Variants in CDH13 observed in about 807,000 individuals in gnomAD.
CDH13 encodes the protein cadherin 13, also known as cadherin-13.
Under a neutral mutation model 63.8 loss-of-function variants are expected in CDH13, and 24 were observed. That is an observed-to-expected ratio of 0.38 (90% CI 0.27 to 0.53). CDH13 has a LOEUF of 0.53. Ranked by LOEUF, CDH13 falls within the 20% of genes least tolerant of loss-of-function variation. The pLI is 0.85. For missense variants in CDH13, 1,049 were observed against 903.1 expected (o/e 1.16, Z -2.07); for synonymous variants, 503 against 355.3 (o/e 1.42, Z -4.67).
At chr16:83,731,361 CT>C (rs1363032976) in intron 10 of CDH13, among the ~76,000 whole-genome samples, 1 of 152,196 alleles carries the variant, frequency 6.6e-6, no homozygotes, top group Non-Finnish European at 1.5e-5. Flanking sequence ...GCTATTCTGA[CT>C]GGTGTGAGAT....
At chr16:82,760,994 C>T (rs2034817348) in intron 1 of CDH13, among the ~76,000 whole-genome samples, 1 of 123,066 alleles carries the variant, frequency 8.1e-6, no homozygotes, top group Admixed American at 9.2e-5. Flanking sequence ...ACCTCCAACT[C>T]TGGGGTTCAC....
chr16:83,492,041 T>C (rs536957067), intron 7 of CDH13, among the ~76,000 whole-genome samples: 2 of 152,292 alleles, frequency 1.3e-5, no homozygotes, highest in East Asian at 1.9e-4. Flanking sequence ...TCCTATGCCA[T>C]CTAGCCAACG....
At chr16:83,211,708 C>A (rs1354206982) in intron 4 of CDH13, among the ~76,000 whole-genome samples, 1 of 152,102 alleles carries the variant, frequency 6.6e-6, no homozygotes, top group African/African-American at 2.4e-5. Context: ...GTACTCCCTG[C>A]CCCTGCCCGG....
chr16:83,667,868 G>T lies in CDH13; in HGVS notation c.1102-2922G>T, dbSNP rs551904425. 1.4e-4 allele frequency among the ~76,000 whole-genome samples: 21 copies of T among 152,144 alleles called. 1 individual carries two copies. The highest frequency in any genetic ancestry group is 4.8e-4 in the African/African-American group (20 of 41,506). On this transcript the variant is annotated intron_variant, in intron 8 of 13. Coordinates refer to ENST00000567109, the MANE Select transcript of CDH13 (RefSeq NM_001257.5). ...AGAGAGATGGGAATCTCACTATGTT[G>T]CCCAGGCTCATCTTGAATTCCTGGG...
intron 1 of CDH13, among the ~76,000 whole-genome samples, chr16:82,635,541 G>A (rs935518723): frequency 6.6e-6 from 1 of 152,208 alleles, no homozygotes; most frequent in Non-Finnish European, 1.5e-5. Context: ...GGCAGCCATT[G>A]AGGGTACTGA....
At chr16:83,366,170 C>A (rs543644140) in intron 6 of CDH13, among the ~76,000 whole-genome samples, 4 of 152,134 alleles carry the variant, frequency 2.6e-5, no homozygotes, top group Non-Finnish European at 5.9e-5. Flanking sequence ...AAAAAGCACA[C>A]ACATTCATAA....
chr16:83,262,273 A>G (rs1219220501), intron 5 of CDH13, among the ~76,000 whole-genome samples: 3 of 152,194 alleles, frequency 2.0e-5, no homozygotes, highest in Non-Finnish European at 4.4e-5. Context: ...ATGGGCCTCC[A>G]TGTCTCTGAT....
intron 2 of CDH13, among the ~76,000 whole-genome samples, chr16:82,914,997 G>T (rs146980108): frequency 6.6e-6 from 1 of 152,238 alleles, no homozygotes; most frequent in East Asian, 1.9e-4. Context: ...ATGGAAGCCA[G>T]TGTTAAATTT....
chr16:83,470,478 C>A (rs757161702), intron 6 of CDH13, among the ~76,000 whole-genome samples: 21 of 152,308 alleles, frequency 1.4e-4, no homozygotes, highest in Non-Finnish European at 4.4e-5. Context: ...TTTCCTTTAG[C>A]TTTGTCCTTT....
intron 3 of CDH13, among the ~76,000 whole-genome samples, chr16:83,099,477 C>G (rs2151598267): frequency 6.6e-6 from 1 of 151,542 alleles, no homozygotes; most frequent in Middle Eastern, 3.4e-3. Flanking sequence ...GCACCTGGCA[C>G]CATGCCTGGC....
chr16:83,207,588 C>T (rs922581504), intron 4 of CDH13, among the ~76,000 whole-genome samples: 1 of 152,108 alleles, frequency 6.6e-6, no homozygotes, highest in Middle Eastern at 3.2e-3. Flanking sequence ...CTACAGAATG[C>T]TTATTCTTTC....
intron 2 of CDH13, among the ~76,000 whole-genome samples, chr16:82,887,816 C>A (rs1031367430): frequency 6.6e-6 from 1 of 151,194 alleles, no homozygotes; most frequent in Non-Finnish European, 1.5e-5. Flanking sequence ...AGTGAGACTC[C>A]GTCTCAGAAA....
chr16:83,287,721 C>T (rs867526862), intron 5 of CDH13, among the ~76,000 whole-genome samples: 3 of 152,054 alleles, frequency 2.0e-5, no homozygotes, highest in African/African-American at 4.8e-5. Flanking sequence ...ATAAAGTGCA[C>T]CATAAATTTA....
chr16:83,358,254 C>G (rs2091094969), intron 6 of CDH13, among the ~76,000 whole-genome samples: 1 of 152,104 alleles, frequency 6.6e-6, no homozygotes, highest in South Asian at 2.1e-4. Context: ...AGGATGGATT[C>G]TGAAAGGAGC....
chr16:83,246,762 C>G (rs1196325759), intron 5 of CDH13, among the ~76,000 whole-genome samples: 1 of 152,212 alleles, frequency 6.6e-6, no homozygotes, highest in African/African-American at 2.4e-5. Flanking sequence ...TAATCACTTC[C>G]TTGCTGAAAC....
Position 83,610,875 on chromosome 16 carries a change from A to T in CDH13, c.1101+8281A>T, listed in dbSNP as rs912731788. On this transcript the variant is annotated intron_variant, in intron 8 of 13. Transcript: ENST00000567109. Reference sequence around the variant, plus strand: ...TGCTAATTCAACTTCGGTTGATTCCACCAGAGTAGTTAACTCCAGTTTACA... The same window carrying T: ...TGCTAATTCAACTTCGGTTGATTCCTCCAGAGTAGTTAACTCCAGTTTACA... Among the ~76,000 whole-genome samples, 3 of 152,322 alleles carry T rather than the reference A, an allele frequency of 2.0e-5. No homozygotes were observed. In the South Asian group the frequency reaches 6.2e-4, roughly 32 times the overall value.
At chr16:82,924,643 G>A (rs1423321695) in intron 2 of CDH13, among the ~76,000 whole-genome samples, 1 of 152,156 alleles carries the variant, frequency 6.6e-6, no homozygotes, top group Non-Finnish European at 1.5e-5. Flanking sequence ...AAGCCCGGGA[G>A]CACTAGGAAG....
intron 3 of CDH13, among the ~76,000 whole-genome samples, chr16:83,116,966 G>A (rs143091934): frequency 4.6e-5 from 7 of 152,268 alleles, no homozygotes; most frequent in African/African-American, 1.7e-4. Flanking sequence ...TTCTCATTTC[G>A]TTCTGATAAC....
At chr16:82,818,766 A>T (rs2037852401) in intron 1 of CDH13, among the ~76,000 whole-genome samples, 1 of 152,200 alleles carries the variant, frequency 6.6e-6, no homozygotes, top group African/African-American at 2.4e-5. Context: ...ATCTAGGGCA[A>T]GTCTCTGTAA....
Sources: allele counts gnomAD v4.1 joint callset (sites outside exome capture counted in the v4.1 genomes callset), GRCh38; gene constraint gnomAD v4.1.1; transcripts MANE v1.5; gene names NCBI Gene and HGNC (gene_info 2026-07-23, HGNC 2026-07-21).